Variants in PDE6B observed in about 807,000 individuals in gnomAD.
The protein encoded by PDE6B is rod cGMP-specific 3',5'-cyclic phosphodiesterase subunit beta.
A neutral mutation model predicts 109.0 loss-of-function variants in PDE6B; 106 were observed. The observed-to-expected ratio is 0.97, with a 90% CI of 0.83 to 1.14. The LOEUF is 1.14. Ranked by LOEUF, PDE6B falls within the 50% of genes most tolerant of loss-of-function variation. The pLI, the probability that PDE6B is intolerant of heterozygous loss-of-function variation, is 0.00. For missense variants in PDE6B, 1,193 were observed against 1,155.6 expected, an observed-to-expected ratio of 1.03 and a Z score of -0.47; for synonymous variants, 490 against 471.3, an observed-to-expected ratio of 1.04 and a Z score of -0.51.
rs759653475 is a variant in PDE6B, at chr4:664,960, C to A, written c.2193+16C>A. ...CCAGAGCAAGGTTAGAACAGAGGGC[C>A]CTCCAGACCCAGAGTCAGTGCCTCT... On this transcript the variant is annotated intron_variant, in intron 18 of 21. Coordinates refer to ENST00000496514, the MANE Select transcript of PDE6B (RefSeq NM_000283.4). The A allele has an allele frequency of 2.5e-6, 4 of 1,599,214 alleles. No homozygotes were observed. The South Asian group carries it at 4.4e-5, about 18-fold the overall frequency.
Position 656,016 on chromosome 4 carries a change from G to T in PDE6B, c.1059+10G>T. 4 of 1,561,346 alleles carry T rather than the reference G, an allele frequency of 2.6e-6. No individual in the cohort carries two copies. The highest frequency in any genetic ancestry group is 3.5e-6 in the Non-Finnish European group (4 of 1,132,864). The stretch of plus-strand genomic sequence containing the variant: ...GGCAGAAAGCGGCTTTGTGAGTCCC[G>T]TGCTGTCTGGAGTCCCCACAGCCTT... On this transcript the variant is annotated intron_variant, in intron 7 of 21. Transcript: ENST00000496514.
At position 643,315 on chromosome 4, in the gene PDE6B, G is replaced by GA. The variant is rs1210526338; in HGVS notation, c.711+7357dup. Among the ~76,000 whole-genome samples, 129 of 140,606 alleles carry GA rather than the reference G, an allele frequency of 9.2e-4. 1 individual carries two copies. The highest frequency in any genetic ancestry group is 1.4e-3 in the African/African-American group (55 of 38,600). The allele number at this position is 140,606 out of a possible 152,430, so 92.2% of individuals were successfully genotyped here. A position where few individuals can be genotyped will look rare whatever the true frequency, so the allele number is the denominator to read the frequency against. On this transcript the variant is annotated intron_variant, in intron 3 of 21. Transcript: ENST00000496514. ...AGAGCGAGATTCCATCTCAAAAAAA[G>GA]AAAAAAAAAAAGAATTTTTGCATCT...
rs781758396 is a variant in PDE6B at position 663,995 on chromosome 4, C to T, written c.2022-119C>T. The T allele has an allele frequency of 8.1e-6, 9 of 1,109,270 alleles. No homozygotes were observed. The highest frequency in any genetic ancestry group is 5.0e-5 in the South Asian group (4 of 79,868). The allele number at this position is 1,109,270 out of a possible 1,614,324, so 68.7% of individuals were successfully genotyped here. A position where few individuals can be genotyped will look rare whatever the true frequency, so the allele number is the denominator to read the frequency against. The stretch of plus-strand genomic sequence containing the variant: ...AGCCCCGGATTCCGTCCCTGCCCGC[C>T]GGCCCCGCGCACCCCGGATGGGGCC... On this transcript the variant is annotated intron_variant, in intron 16 of 21. Coordinates refer to ENST00000496514, the MANE Select transcript of PDE6B (RefSeq NM_000283.4). This position sits in a 1 kb window ranked among gnomAD's most constrained non-coding sequence, Gnocchi z 4.0.
chr4:627,296 C>T (rs10028537), intron 1 of PDE6B, among the ~76,000 whole-genome samples: 4,425 of 152,176 alleles, frequency 0.029, 209 homozygotes, highest in African/African-American at 0.1. Context: ...GAGGTGCCCG[C>T]CACCACACCC....
chr4:658,459 AC>A (rs1736638441), intron 10 of PDE6B, among the ~76,000 whole-genome samples: 1 of 141,828 alleles, frequency 7.1e-6, no homozygotes, highest in African/African-American at 2.7e-5. Context: ...GGGGCAGGTC[AC>A]CCAGGGGTCA....
rs570276298 is a variant in PDE6B, at chr4:663,666, G to A, written c.1921-104G>A. On this transcript the variant is annotated intron_variant, in intron 15 of 21. Transcript: ENST00000496514. The surrounding 1 kb of genome is among the most constrained non-coding windows in gnomAD (Gnocchi z 4.0). ...TCCCGCCCACCGAGGGCCCGAGGGC[G>A]GGGGCGTGAGAGGCACAGGCAGCCG... The A allele has an allele frequency of 1.1e-5, 9 of 810,454 alleles. No homozygotes were observed. The highest frequency in any genetic ancestry group is 1.0e-4 in the African/African-American group (6 of 58,852). The allele number at this position is 810,454 out of a possible 1,614,324, so 50.2% of individuals were successfully genotyped here.
chr4:635,433 A>ACCTG lies in PDE6B; in HGVS notation c.622-429_622-426dup, dbSNP rs1322622883. Among the ~76,000 whole-genome samples the ACCTG allele has an allele frequency of 7.8e-5, 5 of 64,050 alleles. 1 individual carries two copies. The highest frequency in any genetic ancestry group is 1.4e-4 in the Non-Finnish European group (5 of 35,698). The allele number at this position is 64,050 out of a possible 152,430, so 42.0% of individuals were successfully genotyped here. A position where few individuals can be genotyped will look rare whatever the true frequency, so the allele number is the denominator to read the frequency against. Reference sequence around the variant, plus strand: ...TTCTGTGCTGTGCGTCCACCTCCTTACCTGCCTGCCTGCCTGCCTGCGTGT... The same window carrying ACCTG: ...TTCTGTGCTGTGCGTCCACCTCCTTACCTGCCTGCCTGCCTGCCTGCCTGCGTGT... On this transcript the variant is annotated intron_variant, in intron 2 of 21. Coordinates refer to ENST00000496514, the MANE Select transcript of PDE6B (RefSeq NM_000283.4).
Position 663,630 on chromosome 4 carries a change from C to A in PDE6B, c.1921-140C>A, listed in dbSNP as rs1273693980. The stretch of plus-strand genomic sequence containing the variant: ...CCTGAGGAGGGCCCTGAGCAGCAGG[C>A]GGATTAGGGGTCCCGCCCACCGAGG... On this transcript the variant is annotated intron_variant, in intron 15 of 21. Transcript: ENST00000496514. The surrounding 1 kb of genome is among the most constrained non-coding windows in gnomAD (Gnocchi z 4.0). 10 of 703,088 alleles carry A rather than the reference C, an allele frequency of 1.4e-5. No individual in the cohort carries two copies. The African/African-American group carries it at 1.8e-4, about 12-fold the overall frequency. 43.6% of individuals were successfully genotyped at this position (703,088 alleles called of 1,614,324 possible).
chr4:640,142 CA>C (rs1371845637), intron 3 of PDE6B, among the ~76,000 whole-genome samples: 1 of 152,092 alleles, frequency 6.6e-6, no homozygotes, highest in Non-Finnish European at 1.5e-5. Context: ...CCTATCTCTA[CA>C]AAAAAAGAAG....
chr4:628,468 C>T (rs1734227935), intron 1 of PDE6B, among the ~76,000 whole-genome samples: 1 of 152,242 alleles, frequency 6.6e-6, no homozygotes, highest in Non-Finnish European at 1.5e-5. Flanking sequence ...GTCTCGCCCT[C>T]CTGAGCCTTG....
chr4:634,297 C>T (rs551373612), intron 1 of PDE6B, among the ~76,000 whole-genome samples: 23 of 152,204 alleles, frequency 1.5e-4, no homozygotes, highest in African/African-American at 2.2e-4. Flanking sequence ...GAGAGGGTGG[C>T]GGGCACCAGG....
At chr4:651,261 G>A (rs1183403395) in intron 3 of PDE6B, among the ~76,000 whole-genome samples, 3 of 148,402 alleles carry the variant, frequency 2.0e-5, no homozygotes, top group African/African-American at 4.9e-5. Flanking sequence ...GGGCTGAGGC[G>A]GCGATGTCAA....
chr4:638,784 T>C (rs150395589), intron 3 of PDE6B, among the ~76,000 whole-genome samples: 5 of 152,294 alleles, frequency 3.3e-5, no homozygotes, highest in Non-Finnish European at 7.4e-5. Flanking sequence ...GCCTGGTGTT[T>C]ATCCTGCACC....
chr4:625,839 C>T lies in PDE6B; in HGVS notation c.213C>T (p.Asn71=). ...TGCAGGATATGCAGGAGAGCATCAA[C>T]ATGGAGCGCGTGGTCTTCAAGGTCC... ...ELVQDMQESI[N]MERVVFKVLR... Residue 71 remains asparagine, a synonymous_variant, in exon 1 of 22, where the codon AAC becomes AAT. Coordinates refer to ENST00000496514, the MANE Select transcript of PDE6B (RefSeq NM_000283.4). This position sits in a 1 kb window ranked among gnomAD's most constrained non-coding sequence, Gnocchi z 5.0. 6.2e-7 allele frequency: 1 copy of T among 1,612,818 alleles called. No individual in the cohort carries two copies. Among genetic ancestry groups the T allele is most frequent in the African/African-American group, 1.3e-5 (1 of 75,060 alleles).
At chr4:630,030 G>A (rs1161661752) in intron 1 of PDE6B, among the ~76,000 whole-genome samples, 1 of 152,144 alleles carries the variant, frequency 6.6e-6, no homozygotes, top group Admixed American at 6.5e-5. Context: ...CTGGACAGTG[G>A]AGAGGAAGAG....
At chr4:652,896 G>A (rs1054443304) in intron 3 of PDE6B, 1 of 152,550 alleles carries the variant, frequency 6.6e-6, no homozygotes, top group Non-Finnish European at 1.5e-5. Context: ...AAACAAGTTG[G>A]TGAGGTGATG....
At chr4:630,220 G>A (rs917136070) in intron 1 of PDE6B, among the ~76,000 whole-genome samples, 3 of 152,080 alleles carry the variant, frequency 2.0e-5, no homozygotes, top group South Asian at 2.1e-4. Context: ...CAGGGAGGCC[G>A]AGGGATCCAT....
chr4:644,275 T>TTGTTAAATC (rs1298687416), intron 3 of PDE6B, among the ~76,000 whole-genome samples: 1 of 152,016 alleles, frequency 6.6e-6, no homozygotes, highest in African/African-American at 2.4e-5. Context: ...TGGAAGTGTG[T>TTGTTAAATC]TGTTAAATCC....
chr4:640,998 G>A lies in PDE6B; in HGVS notation c.711+5029G>A, dbSNP rs141161001. Reference sequence around the variant, plus strand: ...GCGCTCTAGTTGTCTTTCTTCTGCAGTATTGTGCTAGCTATTCTGGGTTTG... The same window carrying A: ...GCGCTCTAGTTGTCTTTCTTCTGCAATATTGTGCTAGCTATTCTGGGTTTG... On this transcript the variant is annotated intron_variant, in intron 3 of 21. Transcript: ENST00000496514. Among the ~76,000 whole-genome samples the A allele has an allele frequency of 6.4e-3, 972 of 152,336 alleles. 6 individuals are homozygous for A. Among genetic ancestry groups the A allele is most frequent in the Non-Finnish European group, 8.8e-3 (598 of 68,028 alleles).
Sources: gnomAD v4.1 joint callset for allele counts (sites outside exome capture counted in the v4.1 genomes callset) on GRCh38, gnomAD v4.1.1 for gene constraint, Gnocchi (gnomAD v3.1) non-coding constraint, MANE v1.5 for transcripts, NCBI Gene and HGNC (gene_info 2026-07-23, HGNC 2026-07-21) for gene names.